Variants in PRDM12 observed in about 807,000 individuals in gnomAD.
PRDM12 encodes the protein PR domain zinc finger protein 12.
PRDM12 carries 17 observed loss-of-function variants against 29.6 expected under a neutral mutation model. That is an observed-to-expected ratio of 0.57 (90% confidence interval 0.39 to 0.86). The LOEUF (loss-of-function observed/expected upper bound fraction) is 0.86. Ranked by LOEUF, PRDM12 falls within the 40% of genes least tolerant of loss-of-function variation. The probability of loss-of-function intolerance (pLI) is 0.00; values close to 1 mark genes in which losing one functional copy is unlikely to be tolerated. For missense variants in PRDM12, 422 were observed against 510.8 expected, an observed-to-expected ratio of 0.83 and a Z score of 1.68; for synonymous variants, 231 against 225.8, an observed-to-expected ratio of 1.02 and a Z score of -0.21.
rs1247286672 is a variant in PRDM12 at position 130,680,655 on chromosome 9, A to ATTTTTTTTTTTTTT, written c.683-592_683-591insTTTTTTTTTTTTTT. ...AAAAAATATATATATATATATATAT[A>ATTTTTTTTTTTTTT]TATATTTTTTTTTTTTTTAACTGAT... On this transcript the variant is annotated intron_variant, in intron 4 of 4. Transcript: ENST00000253008. Among the ~76,000 whole-genome samples, 12 of 85,550 alleles carry ATTTTTTTTTTTTTT rather than the reference A, an allele frequency of 1.4e-4. 1 individual carries two copies. The highest frequency in any genetic ancestry group is 9.0e-4 in the African/African-American group (12 of 13,376). 56.1% of individuals were successfully genotyped at this position (85,550 alleles called of 152,430 possible).
At position 130,668,247 on chromosome 9, in the gene PRDM12, T is replaced by G; in HGVS notation, c.504T>G (p.Arg168=). The G allele has an allele frequency of 6.2e-7, 1 of 1,614,054 alleles. No homozygotes were observed. The highest frequency in any genetic ancestry group is 8.5e-7 in the Non-Finnish European group (1 of 1,180,010). Reference sequence around the variant, plus strand: ...GGATGACCTACATCAAGTGTGCACGTAACGAACAGGAGCAGAACCTGGAGG... The same window carrying G: ...GGATGACCTACATCAAGTGTGCACGGAACGAACAGGAGCAGAACCTGGAGG... The part of the protein sequence containing the change: ...RSWMTYIKCA[R]NEQEQNLEVV... The change falls in exon 3 of 5, where the codon CGT becomes CGG. Residue 168 remains arginine (R), a synonymous_variant. Transcript: ENST00000253008. The surrounding 1 kb of genome is among the most constrained non-coding windows in gnomAD (Gnocchi z 4.0).
chr9:130,679,670 C>T (rs10901271), intron 4 of PRDM12, among the ~76,000 whole-genome samples: 52,934 of 150,734 alleles, frequency 0.35, 12,744 homozygotes, highest in African/African-American at 0.67. Flanking sequence ...TTTTATTTAA[C>T]TTATTTTTGA....
rs575115640 is a variant in PRDM12 at position 130,670,511 on chromosome 9, G to A, written c.570+2198G>A. On this transcript the variant is annotated intron_variant, in intron 3 of 4. Coordinates refer to ENST00000253008, the MANE Select transcript of PRDM12 (RefSeq NM_021619.3). ...AATTGGGTTTGAAGTGAGGTAAGAC[G>A]GCCGTGGGGCAGGGTGCAGAGAGCA... 6.6e-5 allele frequency among the ~76,000 whole-genome samples: 10 copies of A among 152,260 alleles called. No homozygotes were observed. The East Asian group carries it at 7.7e-4, about 12-fold the overall frequency.
At chr9:130,677,800 C>T (rs894243) in intron 3 of PRDM12, among the ~76,000 whole-genome samples, 20,730 of 152,198 alleles carry the variant, frequency 0.14, 2,023 homozygotes, top group African/African-American at 0.28. Context: ...CTCTGACCAA[C>T]ATCCTTTGCC....
rs746965531 is a variant in PRDM12, at chr9:130,666,789, C to G, written c.405C>G (p.Leu135=). 1.2e-6 allele frequency: 2 copies of G among 1,605,028 alleles called. No homozygotes were observed. The highest frequency in any genetic ancestry group is 1.7e-6 in the Non-Finnish European group (2 of 1,174,838). ...EHVDICKNNN[L]MWEVFNEDGT... Reference sequence around the variant, plus strand: ...TGGACATCTGCAAGAACAACAACCTCATGTGGGAGGTACGCGCGGGCTGGG... The same window carrying G: ...TGGACATCTGCAAGAACAACAACCTGATGTGGGAGGTACGCGCGGGCTGGG... The change falls in exon 2 of 5, where the codon CTC becomes CTG. Residue 135 remains leucine (L), a synonymous_variant. Transcript: ENST00000253008.
chr9:130,680,659 A>ATATATATATATATTTTTTT, intron 4 of PRDM12, among the ~76,000 whole-genome samples: 11 of 72,162 alleles, frequency 1.5e-4, no homozygotes, highest in African/African-American at 3.9e-4. Context: ...ATATATATAT[A>ATATATATATATATTTTTTT]TTTTTTTTTT....
chr9:130,681,319 T>C lies in PRDM12; in HGVS notation c.754T>C (p.Phe252Leu). 1.3e-6 allele frequency: 2 copies of C among 1,552,806 alleles called. No homozygotes were observed. Among genetic ancestry groups the C allele is most frequent in the Non-Finnish European group, 8.7e-7 (1 of 1,146,192 alleles). The change falls in exon 5 of 5, where the codon TTC (phenylalanine) becomes CTC (leucine). Residue 252 changes from phenylalanine to leucine, a missense_variant. This residue lies in a region of PRDM12 where 300 missense variants were observed against 350.0 expected (regional missense o/e 0.86). Transcript: ENST00000253008. The surrounding 1 kb of genome is among the most constrained non-coding windows in gnomAD (Gnocchi z 8.1). ...GCGATGCGTCATCTGCCACCGCGGC[T>C]TCAACTCGCGCAGCAACCTGCGCTC... ...RMRCVICHRG[F>L]NSRSNLRSHM...
chr9:130,666,924 CG>C lies in PRDM12; in HGVS notation c.414+127del, dbSNP rs1830739301. 1.1e-5 allele frequency: 14 copies of C among 1,290,310 alleles called. No individual in the cohort carries two copies. In the East Asian group the frequency reaches 3.8e-4, roughly 35 times the overall value. The allele number at this position is 1,290,310 out of a possible 1,614,324, so 79.9% of individuals were successfully genotyped here. ...GAGCGGCGGACACTCCTGGCCTGGA[CG>C]CCCCCTGAGCCGGGACTCTAAGCCG... On this transcript the variant is annotated intron_variant, in intron 2 of 4. Transcript: ENST00000253008.
intron 3 of PRDM12, among the ~76,000 whole-genome samples, chr9:130,675,356 G>C (rs866230749): frequency 2.0e-5 from 3 of 152,222 alleles, no homozygotes; most frequent in Non-Finnish European, 4.4e-5. Flanking sequence ...TTTCCCTTCT[G>C]GGGGAGATGG....
intron 2 of PRDM12, among the ~76,000 whole-genome samples, chr9:130,667,109 G>T (rs1357882447): frequency 6.6e-6 from 1 of 152,222 alleles, no homozygotes; most frequent in Admixed American, 6.5e-5. Context: ...CTTGCCCAGG[G>T]TCCCCACGCG....
In PRDM12 at chr9:130,673,352, T is replaced by C. The variant is rs553904992; in HGVS notation, c.570+5039T>C. Reference sequence around the variant, plus strand: ...GGGCTTGATAGTAGAAGTTTGTTGATGGCGGGTGCCTGGGAGCAGGCAGAC... The same window carrying C: ...GGGCTTGATAGTAGAAGTTTGTTGACGGCGGGTGCCTGGGAGCAGGCAGAC... On this transcript the variant is annotated intron_variant, in intron 3 of 4. Transcript: ENST00000253008. Among the ~76,000 whole-genome samples, 139 of 152,272 alleles carry C rather than the reference T, an allele frequency of 9.1e-4. 2 individuals are homozygous for C. The highest frequency in any genetic ancestry group is 3.6e-3 in the Admixed American group (55 of 15,292).
chr9:130,681,679 C>A lies in PRDM12; in HGVS notation c.*10C>A. The A allele has an allele frequency of 1.0e-6, 1 of 980,390 alleles. No individual in the cohort carries two copies. Among genetic ancestry groups the A allele is most frequent in the Non-Finnish European group, 1.2e-6 (1 of 827,690 alleles). The allele number at this position is 980,390 out of a possible 1,614,324, so 60.7% of individuals were successfully genotyped here. A position where few individuals can be genotyped will look rare whatever the true frequency, so the allele number is the denominator to read the frequency against. ...GGCCATGGTGCTGTGAGCGCGCCCG[C>A]GCCCCCGCCGGGCCCCGCGCGCTCC... On this transcript the variant is annotated 3_prime_UTR_variant, in exon 5 of 5. Transcript: ENST00000253008. This position sits in a 1 kb window ranked among gnomAD's most constrained non-coding sequence, Gnocchi z 8.1.
At chr9:130,666,846 T>C (rs1332477390) in intron 2 of PRDM12, 48 bp downstream of exon 2, 2 of 1,542,836 alleles carry the variant, frequency 1.3e-6, no homozygotes, top group Non-Finnish European at 1.8e-6. Context: ...CGAGGGGCGC[T>C]GGTCGCGGGT....
At chr9:130,673,503 C>CT (rs1001762614) in intron 3 of PRDM12, among the ~76,000 whole-genome samples, 31 of 149,218 alleles carry the variant, frequency 2.1e-4, no homozygotes, top group South Asian at 1.1e-3. Flanking sequence ...CCAGCAGCCT[C>CT]TTTTTTTTTT....
intron 3 of PRDM12, among the ~76,000 whole-genome samples, 188 bp from the exon 4 acceptor site, chr9:130,678,341 C>A (rs1830862023): frequency 6.6e-6 from 1 of 151,858 alleles, no homozygotes; most frequent in South Asian, 2.1e-4. Flanking sequence ...GGCAGAGGGG[C>A]TCGACACCCC....
At chr9:130,677,309 C>T (rs1294478150) in intron 3 of PRDM12, among the ~76,000 whole-genome samples, 1 of 152,170 alleles carries the variant, frequency 6.6e-6, no homozygotes, top group East Asian at 1.9e-4. Context: ...GGAAGGAAGA[C>T]GTAGTGAACG....
At chr9:130,672,935 T>A (rs1830802701) in intron 3 of PRDM12, among the ~76,000 whole-genome samples, 1 of 152,214 alleles carries the variant, frequency 6.6e-6, no homozygotes, top group East Asian at 1.9e-4. Flanking sequence ...ACAGATCTTC[T>A]GGGCTGATAG....
chr9:130,665,363 GAGAA>G (rs1460263463), intron 1 of PRDM12, among the ~76,000 whole-genome samples: 5 of 152,190 alleles, frequency 3.3e-5, no homozygotes, highest in African/African-American at 9.7e-5. Context: ...GAGCGAGGGA[GAGAA>G]AGAGAGAGCG....
intron 3 of PRDM12, among the ~76,000 whole-genome samples, chr9:130,670,327 G>A (rs1287320403): frequency 6.6e-6 from 1 of 152,120 alleles, no homozygotes; most frequent in Non-Finnish European, 1.5e-5. Context: ...CCAGGGCCTA[G>A]TAGCTTCTCG....
Sources: allele counts gnomAD v4.1 joint callset (sites outside exome capture counted in the v4.1 genomes callset), GRCh38; gene constraint gnomAD v4.1.1; regional missense constraint gnomAD v4.1.1; non-coding constraint Gnocchi (gnomAD v3.1); transcripts MANE v1.5; gene names NCBI Gene and HGNC (gene_info 2026-07-23, HGNC 2026-07-21).